Variants in CIMIP6 observed in about 807,000 individuals in gnomAD.
The protein encoded by CIMIP6 is ciliary microtubule inner protein 6.
At chr2:54,364,647 C>G in the CIMIP6 span, among the ~76,000 whole-genome samples, 1 of 152,170 alleles carries the variant, frequency 6.6e-6, no homozygotes, top group African/African-American at 2.4e-5. Context: ...TGTTAACCAA[C>G]AGGGCAATGC....
At chr2:54,352,905 T>C in the CIMIP6 span, among the ~76,000 whole-genome samples, 1 of 152,180 alleles carries the variant, frequency 6.6e-6, no homozygotes, top group African/African-American at 2.4e-5. Flanking sequence ...ATACAGAACC[T>C]ATGGATAGAG....
the CIMIP6 span, among the ~76,000 whole-genome samples, chr2:54,379,236 A>C: frequency 6.6e-6 from 1 of 152,222 alleles, no homozygotes; most frequent in Admixed American, 6.5e-5. Flanking sequence ...ACATCTCTGG[A>C]AAGTGACCTG....
the CIMIP6 span, among the ~76,000 whole-genome samples, chr2:54,351,055 T>A: frequency 6.6e-6 from 1 of 152,222 alleles, no homozygotes. Flanking sequence ...ATTATAAATT[T>A]GAAAAATATG....
At chr2:54,333,627 G>T in the CIMIP6 span, among the ~76,000 whole-genome samples, 1 of 152,220 alleles carries the variant, frequency 6.6e-6, no homozygotes, top group South Asian at 2.1e-4. Context: ...AGTGGTTCAC[G>T]CCTGTAATCC....
At chr2:54,343,745 C>A in the CIMIP6 span, 1 of 1,607,848 alleles carries the variant, frequency 6.2e-7, no homozygotes. Context: ...CATGGTAAAG[C>A]ACTGGAACCT....
At chr2:54,340,556 CT>C in the CIMIP6 span, among the ~76,000 whole-genome samples, 3 of 151,472 alleles carry the variant, frequency 2.0e-5, no homozygotes, top group Non-Finnish European at 4.4e-5. Context: ...GAAAGACAAC[CT>C]TTTTTTTTGG....
the CIMIP6 span, chr2:54,343,697 G>C: frequency 6.5e-7 from 1 of 1,545,534 alleles, no homozygotes; most frequent in Admixed American, 2.1e-5. Flanking sequence ...CCAATATTGT[G>C]TTTCCAATTA....
the CIMIP6 span, among the ~76,000 whole-genome samples, chr2:54,365,949 G>A: frequency 6.6e-6 from 1 of 152,148 alleles, no homozygotes; most frequent in Non-Finnish European, 1.5e-5. Flanking sequence ...GGAAGACAGA[G>A]AATAGAATGT....
chr2:54,380,001 G>T, the CIMIP6 span, among the ~76,000 whole-genome samples: 1 of 151,382 alleles, frequency 6.6e-6, no homozygotes, highest in Admixed American at 6.6e-5. Flanking sequence ...AAATTAGCTT[G>T]GTGTGGTGTT....
the CIMIP6 span, among the ~76,000 whole-genome samples, chr2:54,336,472 G>C: frequency 6.6e-6 from 1 of 152,196 alleles, no homozygotes; most frequent in South Asian, 2.1e-4. Context: ...CTTTGGGCAA[G>C]TCACGCTAAG....
chr2:54,361,892 G>A, the CIMIP6 span, among the ~76,000 whole-genome samples: 1 of 152,156 alleles, frequency 6.6e-6, no homozygotes. Context: ...AAAGTAGAAA[G>A]ATAGAATTGA....
At chr2:54,376,048 G>A in the CIMIP6 span, among the ~76,000 whole-genome samples, 18 of 152,134 alleles carry the variant, frequency 1.2e-4, no homozygotes, top group African/African-American at 4.1e-4. Context: ...TTTTGGTTTT[G>A]TTCTTGAGAC....
At chr2:54,381,820 A>G in the CIMIP6 span, 11 of 1,514,994 alleles carry the variant, frequency 7.3e-6, no homozygotes, top group South Asian at 7.7e-5. Flanking sequence ...ATAATTTTTC[A>G]GTGGGTGTTC....
the CIMIP6 span, among the ~76,000 whole-genome samples, chr2:54,345,980 G>T: frequency 6.6e-6 from 1 of 152,076 alleles, no homozygotes; most frequent in East Asian, 1.9e-4. Flanking sequence ...AGTTCTCAGG[G>T]GAAATACTTT....
the CIMIP6 span, among the ~76,000 whole-genome samples, chr2:54,331,454 C>T: frequency 6.6e-6 from 1 of 152,116 alleles, no homozygotes; most frequent in African/African-American, 2.4e-5. Context: ...TATCCGTTTA[C>T]AGCCCAGGTT....
the CIMIP6 span, among the ~76,000 whole-genome samples, chr2:54,363,711 C>T: frequency 6.6e-6 from 1 of 152,034 alleles, no homozygotes. Context: ...ATTTCATTAT[C>T]TATATTTATC....
the CIMIP6 span, among the ~76,000 whole-genome samples, chr2:54,343,398 C>T: frequency 6.6e-6 from 1 of 152,004 alleles, no homozygotes; most frequent in African/African-American, 2.4e-5. Flanking sequence ...TATACATACA[C>T]GTGTACATAT....
chr2:54,360,290 G>A, the CIMIP6 span: 1 of 1,612,192 alleles, frequency 6.2e-7, no homozygotes, highest in Non-Finnish European at 8.5e-7. Context: ...GAACACTCCA[G>A]GGTCACGTTC....
chr2:54,335,591 A>T, the CIMIP6 span, among the ~76,000 whole-genome samples: 10 of 152,216 alleles, frequency 6.6e-5, no homozygotes, highest in African/African-American at 9.6e-5. Context: ...GCCAAACCAC[A>T]CTTCACTGAC....
Sources: gnomAD v4.1 joint callset for allele counts (sites outside exome capture counted in the v4.1 genomes callset) on GRCh38, gnomAD v4.1.1 for gene constraint, MANE v1.5 for transcripts, NCBI Gene and HGNC (gene_info 2026-07-23, HGNC 2026-07-21) for gene names.